Variants in CACNG2 observed in about 807,000 individuals in gnomAD.
CACNG2 encodes voltage-dependent calcium channel gamma-2 subunit.
Under a neutral mutation model 25.9 loss-of-function variants are expected in CACNG2, and 3 were observed. The observed-to-expected ratio is 0.12, with a 90% CI of 0.05 to 0.30. CACNG2 has a LOEUF of 0.30. CACNG2 is among the 10% of genes least tolerant of loss of function. CACNG2 has a pLI of 1.00. For missense variants in CACNG2, 341 were observed against 432.5 expected (o/e 0.79, Z 1.88); for synonymous variants, 167 against 173.3 (o/e 0.96, Z 0.29).
rs544207236 is a variant in CACNG2 at position 36,618,553 on chromosome 22, G to C, written c.212-31005C>G. On this transcript the variant is annotated intron_variant, in intron 1 of 3. Transcript: ENST00000300105. ...GCAAGAATTGATGATATTGGATGTG[G>C]CTGCTATCTCTGGTCTTGCCTCCAC... Among the ~76,000 whole-genome samples, 24 of 152,364 alleles carry C rather than the reference G, an allele frequency of 1.6e-4. No homozygotes were observed. The East Asian group carries it at 3.1e-3, about 20-fold the overall frequency.
intron 1 of CACNG2, among the ~76,000 whole-genome samples, chr22:36,696,340 C>T (rs531456914): frequency 6.6e-6 from 1 of 152,272 alleles, no homozygotes; most frequent in South Asian, 2.1e-4. Flanking sequence ...TCTCTCCCTC[C>T]TTCCATCCCT....
intron 1 of CACNG2, among the ~76,000 whole-genome samples, chr22:36,663,767 T>C (rs1012659352): frequency 2.6e-5 from 4 of 152,314 alleles, no homozygotes; most frequent in African/African-American, 9.6e-5. Context: ...GGGGACCCGC[T>C]GTGTCCTGGG....
intron 1 of CACNG2, among the ~76,000 whole-genome samples, chr22:36,628,909 G>C (rs763673298): frequency 2.0e-5 from 3 of 152,080 alleles, no homozygotes; most frequent in Non-Finnish European, 4.4e-5. Context: ...AGATTTACAG[G>C]TAAGTCATTT....
intron 2 of CACNG2, among the ~76,000 whole-genome samples, chr22:36,581,449 C>T (rs1935417594): frequency 6.6e-6 from 1 of 152,184 alleles, no homozygotes; most frequent in Non-Finnish European, 1.5e-5. Flanking sequence ...TTAAGCTTGG[C>T]CTGCTGGCTT....
intron 1 of CACNG2, among the ~76,000 whole-genome samples, chr22:36,614,208 A>G (rs999770959): frequency 1.4e-4 from 21 of 152,164 alleles, no homozygotes; most frequent in South Asian, 2.1e-4. Flanking sequence ...TGTAAGTCCC[A>G]GGACCCACCA....
At chr22:36,574,784 ACAAAACAAAACAAAAC>A (rs1191119351) in intron 2 of CACNG2, among the ~76,000 whole-genome samples, 20 of 60,860 alleles carry the variant, frequency 3.3e-4, no homozygotes, top group South Asian at 1.8e-3. Context: ...CTCTGTCTCA[ACAAAACAAAACAAAAC>A]CAAAACAAAA....
intron 1 of CACNG2, among the ~76,000 whole-genome samples, chr22:36,693,251 T>C (rs1462622620): frequency 6.6e-6 from 1 of 152,208 alleles, no homozygotes; most frequent in Non-Finnish European, 1.5e-5. Context: ...TGTAGCCACA[T>C]ATTTGTAATG....
chr22:36,676,788 T>C (rs1294769306), intron 1 of CACNG2, among the ~76,000 whole-genome samples: 1 of 152,208 alleles, frequency 6.6e-6, no homozygotes, highest in African/African-American at 2.4e-5. Flanking sequence ...ATTCTCTGCC[T>C]CCATATCCGG....
At chr22:36,579,457 A>G (rs1269948975) in intron 2 of CACNG2, among the ~76,000 whole-genome samples, 1 of 149,638 alleles carries the variant, frequency 6.7e-6, no homozygotes, top group Admixed American at 6.7e-5. Flanking sequence ...TCAAATACAT[A>G]TAGGATCAAA....
chr22:36,655,720 TTTC>T (rs1480261498), intron 1 of CACNG2, among the ~76,000 whole-genome samples: 2 of 149,286 alleles, frequency 1.3e-5, no homozygotes, highest in South Asian at 2.1e-4. Context: ...TTTCTCTTTC[TTTC>T]TTTTCTTTCT....
At chr22:36,572,560 G>A (rs1221983273) in intron 2 of CACNG2, among the ~76,000 whole-genome samples, 4 of 152,234 alleles carry the variant, frequency 2.6e-5, no homozygotes, top group East Asian at 3.9e-4. Flanking sequence ...AAATTAGCCC[G>A]GCGTGGTGGC....
rs1231575475 is a variant in CACNG2, at chr22:36,680,138, TCACCACCATCACTAC to T, written c.211+22213_211+22227del. Among the ~76,000 whole-genome samples the T allele has an allele frequency of 4.0e-5, 6 of 150,080 alleles. No homozygotes were observed. In the East Asian group the frequency reaches 9.9e-4, roughly 25 times the overall value. Reference sequence around the variant, plus strand: ...ATCATGGCTATAATTACCACCACCATCACCACCATCACTACCACCACCATCACCGTCACCACCATT... The same window carrying T: ...ATCATGGCTATAATTACCACCACCATCACCACCATCACCGTCACCACCATT... On this transcript the variant is annotated intron_variant, in intron 1 of 3. Coordinates refer to ENST00000300105, the MANE Select transcript of CACNG2 (RefSeq NM_006078.5).
intron 1 of CACNG2, among the ~76,000 whole-genome samples, chr22:36,621,912 C>T (rs1047639058): frequency 6.6e-6 from 1 of 152,212 alleles, no homozygotes; most frequent in African/African-American, 2.4e-5. Flanking sequence ...ACAAACCATA[C>T]TGTTTTCCAG....
At chr22:36,699,371 A>G (rs914588455) in intron 1 of CACNG2, among the ~76,000 whole-genome samples, 3 of 152,014 alleles carry the variant, frequency 2.0e-5, no homozygotes, top group African/African-American at 7.3e-5. Flanking sequence ...ACAGGTGGTC[A>G]TGTATCTTCT....
chr22:36,602,236 C>T (rs1935764103), intron 1 of CACNG2, among the ~76,000 whole-genome samples: 2 of 152,088 alleles, frequency 1.3e-5, no homozygotes, highest in African/African-American at 2.4e-5. Flanking sequence ...TTAGTTTAAA[C>T]AAGAATATAT....
intron 1 of CACNG2, among the ~76,000 whole-genome samples, chr22:36,613,947 C>A (rs1184795027): frequency 6.6e-6 from 1 of 152,104 alleles, no homozygotes; most frequent in African/African-American, 2.4e-5. Context: ...TGTCTTGAAT[C>A]TGGACCCCTA....
intron 1 of CACNG2, among the ~76,000 whole-genome samples, chr22:36,688,406 A>G (rs888887841): frequency 3.9e-5 from 6 of 151,986 alleles, no homozygotes; most frequent in African/African-American, 1.2e-4. Flanking sequence ...TCAGTGTGGT[A>G]GTGCACACTT....
chr22:36,584,055 G>A (rs7285742), intron 2 of CACNG2, among the ~76,000 whole-genome samples: 60,473 of 151,902 alleles, frequency 0.4, 12,331 homozygotes, highest in Middle Eastern at 0.48. Context: ...CTTTACTCAG[G>A]GAAACTTTGG....
intron 1 of CACNG2, among the ~76,000 whole-genome samples, chr22:36,630,917 G>A (rs959587559): frequency 2.0e-5 from 3 of 152,064 alleles, no homozygotes; most frequent in South Asian, 2.1e-4. Context: ...TACAACCTCC[G>A]CCTCCCAGGT....
Sources: gnomAD v4.1 joint callset for allele counts (sites outside exome capture counted in the v4.1 genomes callset) on GRCh38, gnomAD v4.1.1 for gene constraint, MANE v1.5 for transcripts, NCBI Gene and HGNC (gene_info 2026-07-23, HGNC 2026-07-21) for gene names.